Variants in USH2A observed in about 807,000 individuals in gnomAD.
USH2A encodes the protein Usher syndrome 2A (autosomal recessive, mild).
USH2A carries 443 observed loss-of-function variants against 538.9 expected under a neutral mutation model. The observed-to-expected ratio is 0.82, with a 90% confidence interval of 0.76 to 0.89. The LOEUF (loss-of-function observed/expected upper bound fraction) is 0.89. Among genes scored for constraint, USH2A ranks in the 40% least tolerant of loss-of-function variants. USH2A has a pLI of 0.00. For synonymous variants in USH2A, 2,413 were observed against 2,273.5 expected (o/e 1.06, Z -1.75); for missense variants, 6,633 against 6,324.8 (o/e 1.05, Z -1.65).
At position 215,709,414 on chromosome 1, in the gene USH2A, AG is replaced by A. The variant is rs1659272007; in HGVS notation, c.12066+18615del. Among the ~76,000 whole-genome samples the A allele has an allele frequency of 1.3e-5, 2 of 152,142 alleles. 1 individual carries two copies. Among genetic ancestry groups the A allele is most frequent in the Admixed American group, 1.3e-4 (2 of 15,274 alleles). On this transcript the variant is annotated intron_variant, in intron 61 of 71. Transcript: ENST00000307340. ...ATTTCTACAAGTGAATATTCTAAAAAGTTTGGAGATCGCTGACCTGTATTAA... is the reference window on the plus strand; with the variant it reads ...ATTTCTACAAGTGAATATTCTAAAAATTTGGAGATCGCTGACCTGTATTAA...
intron 30 of USH2A, among the ~76,000 whole-genome samples, chr1:216,064,118 C>A (rs1044804894): frequency 1.3e-5 from 2 of 152,114 alleles, no homozygotes; most frequent in East Asian, 3.9e-4. Flanking sequence ...GCTTGCTGAG[C>A]CCTGTCATAC....
chr1:216,377,676 G>C (rs2038847824), intron 3 of USH2A, among the ~76,000 whole-genome samples: 1 of 146,184 alleles, frequency 6.8e-6, no homozygotes, highest in Non-Finnish European at 1.5e-5. Context: ...GCAGCTGAAA[G>C]AAAGGGAAGG....
chr1:216,174,003 A>G (rs2034323690), intron 21 of USH2A: 4 of 985,302 alleles, frequency 4.1e-6, no homozygotes, highest in Non-Finnish European at 4.8e-6. Flanking sequence ...TCAATGGTTC[A>G]ATTTCTAATA....
At chr1:216,232,167 A>T in intron 13 of USH2A, 31 bp from the exon 14 acceptor site, 1 of 1,581,970 alleles carries the variant, frequency 6.3e-7, no homozygotes, top group East Asian at 2.4e-5. Flanking sequence ...AGTTTTATAT[A>T]TACTTTTTAT....
intron 3 of USH2A, among the ~76,000 whole-genome samples, chr1:216,367,621 G>T (rs890433092): frequency 6.6e-6 from 1 of 152,042 alleles, no homozygotes; most frequent in African/African-American, 2.4e-5. Flanking sequence ...TCACTTTATA[G>T]GTACTTAAAT....
chr1:216,029,095 T>A (rs1453860910), intron 32 of USH2A, among the ~76,000 whole-genome samples: 2 of 152,108 alleles, frequency 1.3e-5, no homozygotes. Flanking sequence ...TGTACTTAAT[T>A]TTGAATGAAT....
chr1:216,037,884 A>G (rs1416296857), intron 32 of USH2A, among the ~76,000 whole-genome samples: 2 of 150,758 alleles, frequency 1.3e-5, no homozygotes, highest in Admixed American at 6.6e-5. Flanking sequence ...GTTCCCCTCT[A>G]TGTGTCCATG....
intron 64 of USH2A, among the ~76,000 whole-genome samples, chr1:215,664,137 G>A (rs1216419091): frequency 6.6e-6 from 1 of 152,122 alleles, no homozygotes; most frequent in Non-Finnish European, 1.5e-5. Context: ...GTTTAACTTA[G>A]TTTACATTGG....
rs567207210 is a variant in USH2A, at chr1:216,177,071, T to C, written c.4397-1589A>G. Among the ~76,000 whole-genome samples the C allele has an allele frequency of 1.1e-4, 16 of 152,272 alleles. No homozygotes were observed. The East Asian group carries it at 3.1e-3, about 29-fold the overall frequency. Reference sequence around the variant, plus strand: ...GTTTTGTGTTTTTAACTCCGTTGAGTAAATACCAAGAAGTGCAATTGCTGT... The same window carrying C: ...GTTTTGTGTTTTTAACTCCGTTGAGCAAATACCAAGAAGTGCAATTGCTGT... On this transcript the variant is annotated intron_variant, in intron 20 of 71. Transcript: ENST00000307340.
rs182137497 is a variant in USH2A, at chr1:216,130,674, C to T, written c.4628-33461G>A. On this transcript the variant is annotated intron_variant, in intron 21 of 71. Transcript: ENST00000307340. ...ACATATATATATGCAATATATATCACGTATATATATATACAGTGGTTTCTT... is the reference window on the plus strand; with the variant it reads ...ACATATATATATGCAATATATATCATGTATATATATATACAGTGGTTTCTT... Among the ~76,000 whole-genome samples, 28 of 147,976 alleles carry T rather than the reference C, an allele frequency of 1.9e-4. No individual in the cohort carries two copies. In the East Asian group the frequency reaches 4.1e-3, roughly 22 times the overall value.
chr1:216,078,131 G>T lies in USH2A; in HGVS notation c.5530C>A (p.Gln1844Lys). 1 of 1,613,694 alleles carries T rather than the reference G, an allele frequency of 6.2e-7. No individual in the cohort carries two copies. The highest frequency in any genetic ancestry group is 1.1e-5 in the South Asian group (1 of 91,082). ...TGTTGATAAGAGTTCAGCAGTTCCTGTGGGATTCCTCCCACATAAACTGGT... is the reference window on the plus strand; with the variant it reads ...TGTTGATAAGAGTTCAGCAGTTCCTTTGGGATTCCTCCCACATAAACTGGT... Reference protein sequence around the residue: ...NSPVYVGGIPQELLNSYQHLC... With the variant: ...NSPVYVGGIPKELLNSYQHLC... Residue 1844 changes from glutamine to lysine, a missense_variant, in exon 27 of 72, where the codon CAG becomes AAG. Coordinates refer to ENST00000307340, the MANE Select transcript of USH2A (RefSeq NM_206933.4).
At chr1:216,398,231 TA>T (rs1376308635) in intron 3 of USH2A, among the ~76,000 whole-genome samples, 1 of 152,052 alleles carries the variant, frequency 6.6e-6, no homozygotes, top group Non-Finnish European at 1.5e-5. Flanking sequence ...TTTCTATAAT[TA>T]AAAAGCCCTG....
chr1:216,066,145 C>T (rs2031358176), intron 30 of USH2A, among the ~76,000 whole-genome samples: 1 of 151,884 alleles, frequency 6.6e-6, no homozygotes, highest in African/African-American at 2.4e-5. Flanking sequence ...CTGGTGGAAG[C>T]ATAATTTGTA....
intron 3 of USH2A, among the ~76,000 whole-genome samples, chr1:216,385,603 A>G (rs550653446): frequency 2.2e-4 from 33 of 152,310 alleles, no homozygotes; most frequent in African/African-American, 7.2e-4. Context: ...GGCACAGATA[A>G]TGCCAAGCTA....
At chr1:215,991,336 G>A (rs1668000091) in intron 35 of USH2A, among the ~76,000 whole-genome samples, 1 of 152,134 alleles carries the variant, frequency 6.6e-6, no homozygotes, top group African/African-American at 2.4e-5. Context: ...GGGTATTTGA[G>A]GAGAGGTGTG....
chr1:215,655,108 GAGA>G (rs1657199776), intron 64 of USH2A, among the ~76,000 whole-genome samples: 1 of 152,208 alleles, frequency 6.6e-6, no homozygotes, highest in Non-Finnish European at 1.5e-5. Context: ...AATTTCTGGT[GAGA>G]AGACCTTGGA....
intron 3 of USH2A, among the ~76,000 whole-genome samples, chr1:216,397,444 A>C (rs1215743907): frequency 6.6e-6 from 1 of 152,214 alleles, no homozygotes; most frequent in Non-Finnish European, 1.5e-5. Flanking sequence ...GGAGATTGAC[A>C]TATAAGCCAG....
chr1:216,155,609 T>C lies in USH2A; in HGVS notation c.4627+19643A>G, dbSNP rs577618125. 2.0e-5 allele frequency among the ~76,000 whole-genome samples: 3 copies of C among 152,236 alleles called. No individual in the cohort carries two copies. In the South Asian group the frequency reaches 6.2e-4, roughly 32 times the overall value. Reference sequence around the variant, plus strand: ...GCCCCTCTGCCCACTAAATTATCCATAAAAATCCTAACCTTCAAGACTTCA... The same window carrying C: ...GCCCCTCTGCCCACTAAATTATCCACAAAAATCCTAACCTTCAAGACTTCA... On this transcript the variant is annotated intron_variant, in intron 21 of 71. Coordinates refer to ENST00000307340, the MANE Select transcript of USH2A (RefSeq NM_206933.4).
chr1:216,112,788 T>G (rs1390269816), intron 21 of USH2A, among the ~76,000 whole-genome samples: 1 of 151,880 alleles, frequency 6.6e-6, no homozygotes, highest in Non-Finnish European at 1.5e-5. Context: ...CATGATCTTG[T>G]TTTTTTTCAT....
Sources: allele counts gnomAD v4.1 joint callset (sites outside exome capture counted in the v4.1 genomes callset), GRCh38; gene constraint gnomAD v4.1.1; transcripts MANE v1.5; gene names NCBI Gene and HGNC (gene_info 2026-07-23, HGNC 2026-07-21).